NAALADL2: variants seen among roughly 807,000 people sequenced by gnomAD.
The protein encoded by NAALADL2 is N-acetylated alpha-linked acidic dipeptidase like 2.
NAALADL2 carries 76 observed loss-of-function variants against 87.2 expected under a neutral mutation model. The observed-to-expected ratio is 0.87, with a 90% CI of 0.72 to 1.05. The LOEUF is 1.05. Ranked by LOEUF, NAALADL2 falls within the 50% of genes least tolerant of loss-of-function variation. The pLI is 0.00. For missense variants in NAALADL2, 1,089 were observed against 945.8 expected, an observed-to-expected ratio of 1.15 and a Z score of -1.99; for synonymous variants, 354 against 331.0, an observed-to-expected ratio of 1.07 and a Z score of -0.75.
chr3:174,937,363 A>G (rs1412803441), intron 1 of NAALADL2, among the ~76,000 whole-genome samples: 3 of 152,006 alleles, frequency 2.0e-5, no homozygotes, highest in Non-Finnish European at 4.4e-5. Flanking sequence ...AAAGTTAGTG[A>G]TTTAGGGCTT....
intron 3 of NAALADL2, among the ~76,000 whole-genome samples, chr3:174,763,131 C>T (rs984167001): frequency 5.4e-5 from 8 of 149,456 alleles, no homozygotes; most frequent in Non-Finnish European, 3.0e-5. Flanking sequence ...TTAGGTTAAC[C>T]TTATTTTACT....
chr3:174,988,705 T>C (rs1057306334), intron 1 of NAALADL2, among the ~76,000 whole-genome samples: 1 of 152,144 alleles, frequency 6.6e-6, no homozygotes, highest in African/African-American at 2.4e-5. Context: ...CTCCACATAG[T>C]GTTCTCCTGT....
At chr3:175,763,327 T>C in intron 13 of NAALADL2, among the ~76,000 whole-genome samples, 1 of 152,122 alleles carries the variant, frequency 6.6e-6, no homozygotes, top group East Asian at 1.9e-4. Flanking sequence ...AACCATTTTG[T>C]GGTTGAAATT....
rs143212831 is a variant in NAALADL2 at position 174,644,968 on chromosome 3, T to C, written c.-114-92673T>C. On this transcript the variant is annotated intron_variant, in intron 2 of 3. Coordinates refer to the NAALADL2 transcript ENST00000434257. ...AGATAAGAGTTGTGAGTAGATGCCG[T>C]GATGGGAATATTTTCTCTGCCATTG... is the stretch of plus-strand genomic sequence containing the variant. Among the ~76,000 whole-genome samples, 575 of 152,286 alleles carry C rather than the reference T, an allele frequency of 3.8e-3. 5 individuals carry two copies. The highest frequency in any genetic ancestry group is 0.012 in the African/African-American group (492 of 41,552).
Position 175,627,467 on chromosome 3 carries a change from A to G in NAALADL2, c.1896+81A>G, listed in dbSNP as rs940131130. 2.6e-5 allele frequency: 21 copies of G among 814,326 alleles called. No individual in the cohort carries two copies. In the African/African-American group the frequency reaches 3.0e-4, roughly 11 times the overall value. 50.4% of individuals were successfully genotyped at this position (814,326 alleles called of 1,614,324 possible). On this transcript the variant is annotated intron_variant, in intron 11 of 13. Coordinates refer to ENST00000454872, the MANE Select transcript of NAALADL2 (RefSeq NM_207015.3). ...TAGATGGAGCAAAGGAACATAACCAATCAAGAGCAATCCGTATATTTTCAT... is the reference window on the plus strand; with the variant it reads ...TAGATGGAGCAAAGGAACATAACCAGTCAAGAGCAATCCGTATATTTTCAT...
chr3:175,593,567 A>T (rs776876610), intron 10 of NAALADL2, among the ~76,000 whole-genome samples: 2 of 152,166 alleles, frequency 1.3e-5, no homozygotes, highest in Non-Finnish European at 2.9e-5. Flanking sequence ...TCCAATATCA[A>T]GATGTCATTA....
At chr3:174,698,727 A>C (rs965691571) in intron 2 of NAALADL2, among the ~76,000 whole-genome samples, 1 of 133,642 alleles carries the variant, frequency 7.5e-6, no homozygotes, top group African/African-American at 3.3e-5. Context: ...AGCCGGGCGT[A>C]GTGGCGGGCG....
intron 2 of NAALADL2, among the ~76,000 whole-genome samples, chr3:175,105,370 A>G (rs761105988): frequency 5.9e-5 from 9 of 152,026 alleles, no homozygotes; most frequent in Non-Finnish European, 1.2e-4. Flanking sequence ...CTTCATGTCC[A>G]TGAGGATTAT....
intron 5 of NAALADL2, among the ~76,000 whole-genome samples, chr3:175,340,515 G>A (rs1762462221): frequency 6.6e-6 from 1 of 152,096 alleles, no homozygotes; most frequent in South Asian, 2.1e-4. Flanking sequence ...AATGTCTATG[G>A]GACCTAGATC....
intron 1 of NAALADL2, among the ~76,000 whole-genome samples, chr3:174,495,263 C>CAAA (rs199803612): frequency 7.5e-5 from 9 of 120,388 alleles, no homozygotes; most frequent in Admixed American, 8.2e-5. Flanking sequence ...ATTAACAAAC[C>CAAA]AAAAAAAAAA....
chr3:175,511,727 C>G (rs1731185846), intron 9 of NAALADL2, among the ~76,000 whole-genome samples: 1 of 152,196 alleles, frequency 6.6e-6, no homozygotes, highest in African/African-American at 2.4e-5. Flanking sequence ...CCAGATCACA[C>G]AGATTCTGAC....
chr3:175,377,207 G>T (rs1399828819), intron 5 of NAALADL2, among the ~76,000 whole-genome samples: 1 of 152,020 alleles, frequency 6.6e-6, no homozygotes, highest in Non-Finnish European at 1.5e-5. Flanking sequence ...AGCTACTTGG[G>T]AGGCTAAGGC....
intron 1 of NAALADL2, among the ~76,000 whole-genome samples, chr3:174,950,041 G>A (rs1321671743): frequency 6.6e-6 from 1 of 151,926 alleles, no homozygotes; most frequent in African/African-American, 2.4e-5. Flanking sequence ...TTTATGACCC[G>A]GTTTGCTAAG....
intron 1 of NAALADL2, among the ~76,000 whole-genome samples, chr3:175,079,781 A>G (rs114222371): frequency 5.5e-4 from 84 of 152,304 alleles, no homozygotes; most frequent in African/African-American, 2.0e-3. Flanking sequence ...AGCAAAGACC[A>G]TAAGAGAGCT....
chr3:174,571,141 T>A (rs1044290696), intron 2 of NAALADL2, among the ~76,000 whole-genome samples: 1 of 152,156 alleles, frequency 6.6e-6, no homozygotes, highest in African/African-American at 2.4e-5. Flanking sequence ...CAAGGAACTA[T>A]ACAATACTTT....
At chr3:175,415,483 C>G (rs934604707) in intron 5 of NAALADL2, among the ~76,000 whole-genome samples, 10 of 152,046 alleles carry the variant, frequency 6.6e-5, no homozygotes, top group Admixed American at 3.9e-4. Context: ...CAGGGTAAAA[C>G]AGGTTAACCA....
chr3:175,274,356 T>C (rs1753280990), intron 4 of NAALADL2, among the ~76,000 whole-genome samples: 1 of 152,206 alleles, frequency 6.6e-6, no homozygotes, highest in Non-Finnish European at 1.5e-5. Context: ...AAGGTGAGAT[T>C]TGAACAAACC....
intron 5 of NAALADL2, among the ~76,000 whole-genome samples, chr3:175,387,491 A>G (rs1434120624): frequency 1.3e-5 from 2 of 152,076 alleles, no homozygotes; most frequent in Non-Finnish European, 2.9e-5. Context: ...AAGGTACCCA[A>G]TGGATTTATG....
chr3:175,635,444 T>G (rs1326423833), intron 11 of NAALADL2, among the ~76,000 whole-genome samples: 1 of 152,168 alleles, frequency 6.6e-6, no homozygotes, highest in Non-Finnish European at 1.5e-5. Context: ...ATATAAAGAC[T>G]GATTTCGACA....
Sources: gnomAD v4.1 joint callset for allele counts (sites outside exome capture counted in the v4.1 genomes callset) on GRCh38, gnomAD v4.1.1 for gene constraint, MANE v1.5 for transcripts, NCBI Gene and HGNC (gene_info 2026-07-23, HGNC 2026-07-21) for gene names.